Variants in PRKD1 observed in about 807,000 individuals in gnomAD.
The protein encoded by PRKD1 is protein kinase D1.
Under a neutral mutation model 95.9 loss-of-function variants are expected in PRKD1, and 63 were observed. The ratio of observed to expected loss-of-function variants is 0.66; its 90% CI spans 0.54 to 0.81. The LOEUF (loss-of-function observed/expected upper bound fraction) is 0.81, where lower values mean the gene tolerates loss of function less well. PRKD1 is among the 30% of genes least tolerant of loss of function. PRKD1 has a pLI of 0.00. For missense variants in PRKD1, 1,048 were observed against 1,165.3 expected, an observed-to-expected ratio of 0.90 and a Z score of 1.47; for synonymous variants, 425 against 423.1, an observed-to-expected ratio of 1.00 and a Z score of -0.05.
At chr14:29,849,540 C>T (rs575041190) in intron 1 of PRKD1, among the ~76,000 whole-genome samples, 11 of 151,384 alleles carry the variant, frequency 7.3e-5, no homozygotes, top group African/African-American at 2.7e-4. Flanking sequence ...AGTTAAAAAA[C>T]TGAATCAGTG....
intron 4 of PRKD1, among the ~76,000 whole-genome samples, chr14:29,653,938 A>G (rs796932302): frequency 2.0e-4 from 31 of 152,310 alleles, no homozygotes; most frequent in African/African-American, 6.7e-4. Context: ...GATTTTATAT[A>G]GATATATTTC....
At chr14:29,601,003 A>C (rs1445014344) in intron 13 of PRKD1, among the ~76,000 whole-genome samples, 1 of 152,212 alleles carries the variant, frequency 6.6e-6, no homozygotes, top group African/African-American at 2.4e-5. Context: ...TAAACAAAAA[A>C]AGCAGGAACT....
At chr14:29,705,756 G>A (rs1885055307) in intron 2 of PRKD1, among the ~76,000 whole-genome samples, 1 of 151,820 alleles carries the variant, frequency 6.6e-6, no homozygotes, top group Non-Finnish European at 1.5e-5. Flanking sequence ...TCTTCATTTT[G>A]TCATAATGTT....
intron 1 of PRKD1, among the ~76,000 whole-genome samples, chr14:29,900,111 G>T (rs10139334): frequency 1.4e-4 from 22 of 152,142 alleles, no homozygotes; most frequent in Admixed American, 1.4e-3. Context: ...TTTATAAATT[G>T]CCCAGTCTTG....
At chr14:29,629,811 T>C (rs1299743226) in intron 10 of PRKD1, among the ~76,000 whole-genome samples, 2 of 152,140 alleles carry the variant, frequency 1.3e-5, no homozygotes, top group Non-Finnish European at 2.9e-5. Context: ...CCAATTACCA[T>C]GTACTCTGCA....
At chr14:29,833,570 G>T (rs1180391697) in intron 1 of PRKD1, among the ~76,000 whole-genome samples, 4 of 151,912 alleles carry the variant, frequency 2.6e-5, no homozygotes, top group Non-Finnish European at 5.9e-5. Flanking sequence ...CAGAGGAAAT[G>T]GATTCTAATG....
At chr14:29,910,420 G>A (rs914130866) in intron 1 of PRKD1, among the ~76,000 whole-genome samples, 9 of 152,228 alleles carry the variant, frequency 5.9e-5, no homozygotes, top group African/African-American at 1.4e-4. Flanking sequence ...AACACTCAAC[G>A]CGAGGGTCCG....
At chr14:29,582,561 T>C (rs1892787987) in intron 16 of PRKD1, among the ~76,000 whole-genome samples, 1 of 152,176 alleles carries the variant, frequency 6.6e-6, no homozygotes, top group Admixed American at 6.6e-5. Context: ...TAGCTGCTAT[T>C]GAGTGCACTT....
chr14:29,597,530 T>G lies in PRKD1; in HGVS notation c.2395A>C (p.Met799Leu). The G allele has an allele frequency of 6.2e-7, 1 of 1,613,076 alleles. No homozygotes were observed. Among genetic ancestry groups the G allele is most frequent in the East Asian group, 2.2e-5 (1 of 44,866 alleles). ...IHDQIQNAAF[M>L]YPPNPWKEIS... ...TCCTTCCAGGGATTTGGTGGATACA[T>G]GAAAGCTGCATTCTGAATTTGGTCG... The change falls in exon 16 of 18, where the codon ATG becomes CTG. Residue 799 changes from methionine (M) to leucine (L), a missense_variant. Physicochemically the swap from Met to Leu is conservative, Grantham distance 15. Transcript: ENST00000331968.
chr14:29,650,338 T>G (rs1341247976), intron 4 of PRKD1: 1 of 152,444 alleles, frequency 6.6e-6, no homozygotes, highest in Non-Finnish European at 1.5e-5. Context: ...CCTGATGCCA[T>G]CCAGGAATCC....
intron 1 of PRKD1, among the ~76,000 whole-genome samples, chr14:29,904,004 A>G (rs1894410811): frequency 6.6e-6 from 1 of 152,204 alleles, no homozygotes; most frequent in Non-Finnish European, 1.5e-5. Context: ...ACACACACAT[A>G]TAACTGCCTC....
chr14:29,923,901 T>C (rs1025401868), intron 1 of PRKD1, among the ~76,000 whole-genome samples: 5 of 151,906 alleles, frequency 3.3e-5, no homozygotes, highest in African/African-American at 1.2e-4. Context: ...TAGCTCTTCC[T>C]CTGGAATTTT....
intron 1 of PRKD1, among the ~76,000 whole-genome samples, chr14:29,817,066 CA>C (rs1890722111): frequency 6.6e-6 from 1 of 152,076 alleles, no homozygotes; most frequent in South Asian, 2.1e-4. Context: ...ATGTTGGCTT[CA>C]GCATTTTTGC....
intron 2 of PRKD1, among the ~76,000 whole-genome samples, chr14:29,667,395 A>G (rs888663380): frequency 6.6e-6 from 1 of 152,206 alleles, no homozygotes; most frequent in African/African-American, 2.4e-5. Context: ...TGAGGCCTTC[A>G]ATATATTCCT....
chr14:29,621,897 T>C (rs1038080829), intron 13 of PRKD1, among the ~76,000 whole-genome samples: 5 of 152,184 alleles, frequency 3.3e-5, no homozygotes, highest in Admixed American at 6.5e-5. Flanking sequence ...TTTCATATGG[T>C]CCAGGAGCAG....
intron 1 of PRKD1, among the ~76,000 whole-genome samples, chr14:29,734,460 T>C (rs571466303): frequency 6.6e-6 from 1 of 152,184 alleles, no homozygotes; most frequent in Non-Finnish European, 1.5e-5. Context: ...TTAAGTTAAT[T>C]GCAGATCAGT....
In PRKD1 at chr14:29,599,039, A is replaced by C. The variant is rs1893415243; in HGVS notation, c.2154T>G (p.Asp718Glu). 1.9e-6 allele frequency: 3 copies of C among 1,612,946 alleles called. No homozygotes were observed. The Admixed American group carries it at 5.0e-5, about 27-fold the overall frequency. The change falls in exon 15 of 18, where the codon GAT (aspartate) becomes GAG (glutamate). Residue 718 changes from aspartate (D) to glutamate (E), a missense_variant. Around this residue, in one of 3 missense-constraint regions of PRKD1, gnomAD observed 739 missense variants for 861.9 expected, o/e 0.86. Coordinates refer to ENST00000331968, the MANE Select transcript of PRKD1 (RefSeq NM_002742.3). ...CTTTTATACTTGCCTGAGGAAAAGG[A>C]TCAGCTGAGGCTAGCAACACATTTT... is the stretch of plus-strand genomic sequence containing the variant. ...KPENVLLASA[D>E]PFPQVKLCDF...
In PRKD1 at chr14:29,618,381, G is replaced by A. The variant is rs142465082; in HGVS notation, c.1905+5771C>T. On this transcript the variant is annotated intron_variant, in intron 13 of 17. Coordinates refer to ENST00000331968, the MANE Select transcript of PRKD1 (RefSeq NM_002742.3). ...AGTGACTCTCCTGCCTCAGCTTCCTGAGTAGCTGGGACTACAGATGTGCAC... is the reference window on the plus strand; with the variant it reads ...AGTGACTCTCCTGCCTCAGCTTCCTAAGTAGCTGGGACTACAGATGTGCAC... 2.7e-3 allele frequency among the ~76,000 whole-genome samples: 403 copies of A among 151,736 alleles called. 1 individual carries two copies. Among genetic ancestry groups the A allele is most frequent in the African/African-American group, 9.6e-3 (397 of 41,350 alleles).
intron 1 of PRKD1, among the ~76,000 whole-genome samples, chr14:29,812,839 T>C (rs777090681): frequency 2.6e-5 from 4 of 152,236 alleles, no homozygotes; most frequent in Non-Finnish European, 5.9e-5. Context: ...CCAGGCATCA[T>C]GGTTCACACC....
Sources: allele counts gnomAD v4.1 joint callset (sites outside exome capture counted in the v4.1 genomes callset), GRCh38; gene constraint gnomAD v4.1.1; regional missense constraint gnomAD v4.1.1; transcripts MANE v1.5; gene names NCBI Gene and HGNC (gene_info 2026-07-23, HGNC 2026-07-21).